The following CHD7 variants were observed in gnomAD, a reference collection of about 807,000 sequenced individuals.
CHD7 encodes ATP-dependent chromatin remodeler CHD7.
In CHD7, 24 loss-of-function variants were observed where a neutral mutation model predicts 307.3. That is an observed-to-expected ratio of 0.08 (90% CI 0.06 to 0.11). The LOEUF (loss-of-function observed/expected upper bound fraction) is 0.11. Among genes scored for constraint, CHD7 ranks in the 10% least tolerant of loss-of-function variants. The pLI is 1.00. For synonymous variants in CHD7, 1,363 were observed against 1,349.9 expected (o/e 1.01, Z -0.21); for missense variants, 3,106 against 3,727.1 (o/e 0.83, Z 4.34).
In CHD7 at chr8:60,785,038, G is replaced by A. The variant is rs76127006; in HGVS notation, c.2096+3608G>A. Among the ~76,000 whole-genome samples, 1,076 of 152,296 alleles carry A rather than the reference G, an allele frequency of 7.1e-3. 16 individuals are homozygous for A. Among genetic ancestry groups the A allele is most frequent in the African/African-American group, 0.025 (1,031 of 41,558 alleles). On this transcript the variant is annotated intron_variant, in intron 3 of 37. Transcript: ENST00000423902. ...ACATTTGTGGGTTGGAGAGGATACC[G>A]TTTTGCATGTGGAAGGATTCATGGA...
chr8:60,760,160 G>T (rs1156724080), intron 2 of CHD7, among the ~76,000 whole-genome samples: 1 of 152,152 alleles, frequency 6.6e-6, no homozygotes. Context: ...AGTTGATGAG[G>T]CTTTGGGATT....
At chr8:60,716,136 T>C (rs1341992206) in intron 1 of CHD7, among the ~76,000 whole-genome samples, 1 of 152,242 alleles carries the variant, frequency 6.6e-6, no homozygotes, top group Non-Finnish European at 1.5e-5. Context: ...CAGAGTCTGA[T>C]ACCTTTTCTC....
At chr8:60,808,151 T>C (rs1664873723) in intron 6 of CHD7, 66 bp from the exon 7 acceptor site, 3 of 1,102,952 alleles carry the variant, frequency 2.7e-6, no homozygotes, top group Non-Finnish European at 4.0e-6. Context: ...TGGGAGTAAA[T>C]CATTACTTTT....
chr8:60,794,135 A>G (rs1388472598), intron 3 of CHD7, among the ~76,000 whole-genome samples: 2 of 152,202 alleles, frequency 1.3e-5, no homozygotes, highest in Non-Finnish European at 2.9e-5. Context: ...AAAATAAAAA[A>G]AAAACTGGAG....
chr8:60,703,023 C>T (rs1402257298), intron 1 of CHD7, among the ~76,000 whole-genome samples: 1 of 152,228 alleles, frequency 6.6e-6, no homozygotes, highest in Non-Finnish European at 1.5e-5. Flanking sequence ...GCTATTGTCT[C>T]TCTGGCCAAA....
chr8:60,804,602 G>A (rs1032402651), intron 6 of CHD7, among the ~76,000 whole-genome samples: 27 of 152,162 alleles, frequency 1.8e-4, no homozygotes, highest in Non-Finnish European at 2.2e-4. Flanking sequence ...AAAGTGAAAA[G>A]GGATTCATAC....
intron 1 of CHD7, among the ~76,000 whole-genome samples, chr8:60,679,972 G>T (rs1383625958): frequency 6.6e-6 from 1 of 151,894 alleles, no homozygotes; most frequent in Non-Finnish European, 1.5e-5. Flanking sequence ...GGAGAAGAAA[G>T]GGAGCGGGGC....
intron 35 of CHD7, 180 bp from the exon 36 acceptor site, chr8:60,862,016 C>T (rs893013277): frequency 2.7e-5 from 13 of 484,146 alleles, no homozygotes; most frequent in South Asian, 1.1e-4. Context: ...CCTTAATGGA[C>T]GGGTAAAATA....
chr8:60,730,501 A>G (rs1272239254), intron 1 of CHD7, among the ~76,000 whole-genome samples: 2 of 152,166 alleles, frequency 1.3e-5, no homozygotes, highest in African/African-American at 4.8e-5. Flanking sequence ...CCCCAGTCCA[A>G]GTTTTTGCTT....
At chr8:60,787,509 T>C (rs1811547610) in intron 3 of CHD7, among the ~76,000 whole-genome samples, 1 of 152,186 alleles carries the variant, frequency 6.6e-6, no homozygotes, top group Admixed American at 6.5e-5. Flanking sequence ...GTCTAATTGG[T>C]TTAATTCTTT....
chr8:60,741,993 G>A lies in CHD7; in HGVS notation c.561G>A (p.Gln187=), dbSNP rs181083503. 2.8e-5 allele frequency: 45 copies of A among 1,613,760 alleles called. No individual in the cohort carries two copies. The highest frequency in any genetic ancestry group is 3.3e-4 in the Middle Eastern group (2 of 6,060). ...CACAGGGCCACCCTCAGCACATGCA[G>A]CAGATGGGCAGCTATATGGCACGTG... is the stretch of plus-strand genomic sequence containing the variant. ...PPAQGHPQHM[Q]QMGSYMARGD... Residue 187 remains glutamine (Q), a synonymous_variant, in exon 2 of 38, where the codon CAG becomes CAA. Coordinates refer to ENST00000423902, the MANE Select transcript of CHD7 (RefSeq NM_017780.4).
Position 60,823,854 on chromosome 8 carries a change from G to A in CHD7, c.3216G>A (p.Lys1072=), listed in dbSNP as rs1205390453. ...TGTTCTTATAGGGTCGAGTGATAAA[G>A]GGGTCCTATAAGTTTCATGCCATCA... The part of the protein sequence containing the change: ...YFKDPQGRVI[K]GSYKFHAIIT... Residue 1072 remains lysine (K), a synonymous_variant, in exon 13 of 38, where the codon AAG becomes AAA. Coordinates refer to ENST00000423902, the MANE Select transcript of CHD7 (RefSeq NM_017780.4). The A allele has an allele frequency of 6.2e-7, 1 of 1,613,460 alleles. No individual in the cohort carries two copies. The highest frequency in any genetic ancestry group is 8.5e-7 in the Non-Finnish European group (1 of 1,179,478).
chr8:60,837,104 T>TACG, intron 17 of CHD7, 92 bp downstream of exon 17: 2 of 983,650 alleles, frequency 2.0e-6, no homozygotes, highest in South Asian at 1.8e-5. Flanking sequence ...AAATTAATGT[T>TACG]GCGTCGTCAC....
chr8:60,849,169 T>C lies in CHD7; in HGVS notation c.5404+15T>C, dbSNP rs1805342853. The C allele has an allele frequency of 3.3e-6, 5 of 1,514,012 alleles. No homozygotes were observed. In the African/African-American group the frequency reaches 6.8e-5, roughly 21 times the overall value. 93.8% of individuals were successfully genotyped at this position (1,514,012 alleles called of 1,614,324 possible). On this transcript the variant is annotated intron_variant, in intron 25 of 37. Transcript: ENST00000423902. ...GTTCAAACATGGTAAGTGACGTTTC[T>C]GTTTGAATACATCTCAACTGTATGG...
chr8:60,715,326 CTTTTTT>C (rs11376102), intron 1 of CHD7, among the ~76,000 whole-genome samples: 2 of 125,898 alleles, frequency 1.6e-5, no homozygotes, highest in African/African-American at 6.2e-5. Context: ...AGGGCTCTGC[CTTTTTT>C]TTTTTTTTTT....
chr8:60,735,050 A>G (rs1563553628), intron 1 of CHD7, among the ~76,000 whole-genome samples: 1 of 150,608 alleles, frequency 6.6e-6, no homozygotes, highest in Admixed American at 6.6e-5. Flanking sequence ...GGGAGAGAGC[A>G]TTAGCAGGTT....
chr8:60,717,107 C>T lies in CHD7; in HGVS notation c.-174-24152C>T, dbSNP rs529189339. On this transcript the variant is annotated intron_variant, in intron 1 of 37. Transcript: ENST00000423902. ...TCCCTCAGGTCATTGCATCTGGGTA[C>T]GTAATGTTCATTTGTCCCGTTTACT... Among the ~76,000 whole-genome samples, 3 of 149,172 alleles carry T rather than the reference C, an allele frequency of 2.0e-5. No individual in the cohort carries two copies. In the South Asian group the frequency reaches 6.4e-4, roughly 32 times the overall value.
chr8:60,764,484 G>T (rs369015406), intron 2 of CHD7, among the ~76,000 whole-genome samples: 19 of 152,150 alleles, frequency 1.2e-4, no homozygotes, highest in Admixed American at 5.9e-4. Context: ...CTTTCTAGCA[G>T]TACTTTTGTT....
intron 2 of CHD7, among the ~76,000 whole-genome samples, chr8:60,760,592 C>A (rs551554962): frequency 1.4e-5 from 2 of 148,110 alleles, no homozygotes; most frequent in African/African-American, 5.0e-5. Context: ...ACAACCTACT[C>A]ATCTGACAAA....
Sources: gnomAD v4.1 joint callset for allele counts (sites outside exome capture counted in the v4.1 genomes callset) on GRCh38, gnomAD v4.1.1 for gene constraint, MANE v1.5 for transcripts, NCBI Gene and HGNC (gene_info 2026-07-23, HGNC 2026-07-21) for gene names.